Variants in RGSL1 observed in about 807,000 individuals in gnomAD.
RGSL1 encodes the protein regulator of G protein signaling protein-like.
RGSL1 carries 97 observed loss-of-function variants against 124.7 expected under a neutral mutation model. The ratio of observed to expected loss-of-function variants is 0.78; its 90% confidence interval spans 0.66 to 0.92. The LOEUF (loss-of-function observed/expected upper bound fraction) is 0.92, where lower values mean the gene tolerates loss of function less well. Ranked by LOEUF, RGSL1 falls within the 40% of genes least tolerant of loss-of-function variation. RGSL1 has a pLI of 0.00. For synonymous variants in RGSL1, 424 were observed against 438.1 expected, an observed-to-expected ratio of 0.97 and a Z score of 0.40; for missense variants, 1,233 against 1,288.4, an observed-to-expected ratio of 0.96 and a Z score of 0.66.
chr1:182,470,480 C>A (rs997982667), intron 4 of RGSL1, among the ~76,000 whole-genome samples: 11 of 152,258 alleles, frequency 7.2e-5, no homozygotes, highest in African/African-American at 2.6e-4. Context: ...TTTTCCTCTA[C>A]CCAGAATGCT....
At chr1:182,470,210 A>T (rs1653716490) in intron 4 of RGSL1, among the ~76,000 whole-genome samples, 1 of 152,094 alleles carries the variant, frequency 6.6e-6, no homozygotes, top group Admixed American at 6.6e-5. Context: ...AAAAAAATGT[A>T]TTTCAGATCA....
chr1:182,519,039 T>A (rs796452850), intron 9 of RGSL1, among the ~76,000 whole-genome samples: 6 of 152,162 alleles, frequency 3.9e-5, no homozygotes, highest in African/African-American at 1.4e-4. Flanking sequence ...AATTTCTATA[T>A]TTTTTCTCTG....
chr1:182,458,254 G>A, intron 2 of RGSL1, 65 bp from the exon 3 acceptor site: 1 of 1,191,890 alleles, frequency 8.4e-7, no homozygotes, highest in South Asian at 1.3e-5. Flanking sequence ...GGCTGTAGAG[G>A]GACTGTGTCA....
intron 14 of RGSL1, among the ~76,000 whole-genome samples, chr1:182,534,803 G>C (rs1411070339): frequency 6.6e-6 from 1 of 151,808 alleles, no homozygotes; most frequent in Non-Finnish European, 1.5e-5. Context: ...CTCCAGTCTG[G>C]GTGACAGAGC....
chr1:182,522,718 C>T (rs1658439552), intron 10 of RGSL1, among the ~76,000 whole-genome samples: 1 of 152,122 alleles, frequency 6.6e-6, no homozygotes, highest in Non-Finnish European at 1.5e-5. Flanking sequence ...CTATAACTTC[C>T]TTCTCTTCTG....
intron 1 of RGSL1, among the ~76,000 whole-genome samples, chr1:182,451,143 C>G (rs1296148204): frequency 9.5e-6 from 1 of 105,072 alleles, no homozygotes; most frequent in Non-Finnish European, 1.9e-5. Context: ...GAGACTTTGG[C>G]AAAAAAAAAA....
chr1:182,526,072 G>GA, intron 10 of RGSL1, among the ~76,000 whole-genome samples: 1 of 151,996 alleles, frequency 6.6e-6, no homozygotes. Context: ...TCTATAATAA[G>GA]AAAAAAATTG....
intron 21 of RGSL1, among the ~76,000 whole-genome samples, chr1:182,557,586 G>A (rs1660934311): frequency 6.6e-6 from 1 of 152,162 alleles, no homozygotes; most frequent in African/African-American, 2.4e-5. Flanking sequence ...CACACTTAAG[G>A]AAAAGAAAGG....
At chr1:182,518,014 A>G (rs1658028049) in intron 9 of RGSL1, among the ~76,000 whole-genome samples, 2 of 151,716 alleles carry the variant, frequency 1.3e-5, no homozygotes, top group Non-Finnish European at 2.9e-5. Flanking sequence ...TTTGTTTTAT[A>G]TTGAATATAT....
At chr1:182,456,019 G>A (rs1011420673) in intron 2 of RGSL1, among the ~76,000 whole-genome samples, 1 of 152,226 alleles carries the variant, frequency 6.6e-6, no homozygotes, top group Non-Finnish European at 1.5e-5. Flanking sequence ...GGGAAGTAAT[G>A]AGGGTCTAAA....
chr1:182,557,296 AT>A (rs1660919896), intron 21 of RGSL1, among the ~76,000 whole-genome samples: 1 of 152,234 alleles, frequency 6.6e-6, no homozygotes, highest in African/African-American at 2.4e-5. Flanking sequence ...AAGAGTGGGC[AT>A]GAAACAGAAT....
At chr1:182,480,225 T>C (rs1393451962) in intron 6 of RGSL1, among the ~76,000 whole-genome samples, 1 of 152,138 alleles carries the variant, frequency 6.6e-6, no homozygotes, top group Non-Finnish European at 1.5e-5. Flanking sequence ...TTCTCCAGAA[T>C]AGATCATGTG....
intron 7 of RGSL1, 144 bp downstream of exon 7, chr1:182,488,491 G>C: frequency 1.3e-6 from 1 of 789,526 alleles, no homozygotes; most frequent in Admixed American, 2.3e-5. Context: ...GGTCCCTGTT[G>C]TTCTAAAGCT....
chr1:182,494,560 C>T (rs1436569570), intron 9 of RGSL1, among the ~76,000 whole-genome samples: 1 of 152,086 alleles, frequency 6.6e-6, no homozygotes. Context: ...TTTTATTGGA[C>T]AGCACTGGTC....
chr1:182,549,981 C>G (rs1558433551), intron 17 of RGSL1: 1 of 152,138 alleles, frequency 6.6e-6, no homozygotes, highest in Non-Finnish European at 1.5e-5. Context: ...TTAGCTGTCT[C>G]CCATGTGCTT....
chr1:182,483,937 C>T (rs1289612066), intron 6 of RGSL1, among the ~76,000 whole-genome samples: 3 of 152,090 alleles, frequency 2.0e-5, no homozygotes, highest in East Asian at 3.9e-4. Flanking sequence ...GGTTCGGGCC[C>T]ACAGAGTGGG....
chr1:182,473,856 A>G lies in RGSL1; in HGVS notation c.745A>G (p.Arg249Gly). 1.3e-6 allele frequency: 2 copies of G among 1,551,822 alleles called. No homozygotes were observed. Among genetic ancestry groups the G allele is most frequent in the Non-Finnish European group, 1.7e-6 (2 of 1,147,008 alleles). ...CHHFQKRYSS[R>G]KAKRKMWQLV... ...CCACTTTCAGAAACGGTACTCAAGC[A>G]GGAAAGCCAAGAGGAAGATGTGGCA... The change falls in exon 6 of 22, where the codon AGG becomes GGG. Residue 249 changes from arginine (R) to glycine (G), a missense_variant. Transcript: ENST00000294854.
chr1:182,554,895 G>GA, intron 20 of RGSL1: 1 of 567,582 alleles, frequency 1.8e-6, no homozygotes, highest in Non-Finnish European at 3.1e-6. Flanking sequence ...CCTCCAACTA[G>GA]GACAGGCACT....
intron 9 of RGSL1, among the ~76,000 whole-genome samples, chr1:182,518,133 G>A (rs949504479): frequency 3.9e-5 from 6 of 152,088 alleles, no homozygotes; most frequent in Admixed American, 3.9e-4. Context: ...TCAACTTCCT[G>A]GGCTCAAGTG....
Sources: gnomAD v4.1 joint callset for allele counts (sites outside exome capture counted in the v4.1 genomes callset) on GRCh38, gnomAD v4.1.1 for gene constraint, MANE v1.5 for transcripts, NCBI Gene and HGNC (gene_info 2026-07-23, HGNC 2026-07-21) for gene names.